Variants in GALNT14 observed in about 807,000 individuals in gnomAD.
The protein encoded by GALNT14 is UDP-GalNAc:polypeptide N-acetylgalactosaminyltransferase 14.
In GALNT14, 60 loss-of-function variants were observed where a neutral mutation model predicts 77.5. That is an observed-to-expected ratio of 0.77 (90% CI 0.63 to 0.96). GALNT14 has a LOEUF of 0.96. GALNT14 is among the 40% of genes least tolerant of loss of function. The pLI is 0.00. For missense variants in GALNT14, 710 were observed against 731.0 expected, an observed-to-expected ratio of 0.97 and a Z score of 0.33; for synonymous variants, 280 against 281.7, an observed-to-expected ratio of 0.99 and a Z score of 0.06.
At chr2:31,131,478 GC>G (rs1678991587) in intron 1 of GALNT14, among the ~76,000 whole-genome samples, 1 of 152,172 alleles carries the variant, frequency 6.6e-6, no homozygotes, top group Admixed American at 6.5e-5. Flanking sequence ...TGGGGATCTG[GC>G]CCTGCTTTCT....
chr2:31,122,407 A>G (rs1678460045), intron 1 of GALNT14, among the ~76,000 whole-genome samples: 2 of 152,148 alleles, frequency 1.3e-5, no homozygotes, highest in Non-Finnish European at 2.9e-5. Flanking sequence ...ATCGCATTTA[A>G]CTCCAAGAAA....
intron 1 of GALNT14, among the ~76,000 whole-genome samples, chr2:31,123,004 A>G (rs1678491850): frequency 6.6e-6 from 1 of 152,036 alleles, no homozygotes; most frequent in Non-Finnish European, 1.5e-5. Context: ...ACACAGTGAA[A>G]CCCTGTCTCT....
chr2:30,921,240 C>A (rs1184676824), intron 13 of GALNT14, among the ~76,000 whole-genome samples: 2 of 152,088 alleles, frequency 1.3e-5, no homozygotes, highest in Non-Finnish European at 2.9e-5. Context: ...TGTCAGGTAC[C>A]AGAAAAGTCC....
intron 1 of GALNT14, among the ~76,000 whole-genome samples, chr2:30,999,054 A>C (rs1226377638): frequency 6.6e-6 from 1 of 152,234 alleles, no homozygotes; most frequent in Non-Finnish European, 1.5e-5. Context: ...GGTATTCTGC[A>C]GCTGGATTCC....
chr2:31,095,561 T>A (rs780273662), intron 1 of GALNT14, among the ~76,000 whole-genome samples: 24 of 152,058 alleles, frequency 1.6e-4, no homozygotes, highest in Non-Finnish European at 3.2e-4. Context: ...GGACACTAGA[T>A]CACTGAAAAA....
chr2:30,891,691 G>A, the GALNT14 span, among the ~76,000 whole-genome samples: 10 of 152,136 alleles, frequency 6.6e-5, no homozygotes, highest in African/African-American at 2.2e-4. Flanking sequence ...CCCAGTCAGT[G>A]CGGATGGGTA....
At chr2:30,962,898 G>C (rs912316614) in intron 3 of GALNT14, among the ~76,000 whole-genome samples, 6 of 152,292 alleles carry the variant, frequency 3.9e-5, no homozygotes, top group Admixed American at 2.6e-4. Context: ...TGATTCATTT[G>C]TGCAACAGGA....
chr2:30,930,135 C>T (rs1006050394), intron 10 of GALNT14, among the ~76,000 whole-genome samples: 1 of 152,224 alleles, frequency 6.6e-6, no homozygotes, highest in Non-Finnish European at 1.5e-5. Flanking sequence ...AACTGAACTT[C>T]TGTGGCTATC....
chr2:31,099,119 T>C (rs1402672385), intron 1 of GALNT14, among the ~76,000 whole-genome samples: 3 of 152,130 alleles, frequency 2.0e-5, no homozygotes, highest in African/African-American at 4.8e-5. Flanking sequence ...ATACACACTA[T>C]TGTGCAGCTT....
At chr2:31,007,041 C>T (rs573550580) in intron 1 of GALNT14, among the ~76,000 whole-genome samples, 7 of 152,128 alleles carry the variant, frequency 4.6e-5, no homozygotes, top group Non-Finnish European at 1.0e-4. Flanking sequence ...GGGATGGGAG[C>T]GAATGACTTT....
At chr2:31,110,841 C>T (rs967602105) in intron 1 of GALNT14, among the ~76,000 whole-genome samples, 1 of 152,156 alleles carries the variant, frequency 6.6e-6, no homozygotes, top group Non-Finnish European at 1.5e-5. Flanking sequence ...ACTAGATTCA[C>T]GTGAAACCAT....
At chr2:31,066,313 G>T (rs1674961026) in intron 1 of GALNT14, among the ~76,000 whole-genome samples, 1 of 152,070 alleles carries the variant, frequency 6.6e-6, no homozygotes, top group African/African-American at 2.4e-5. Flanking sequence ...AGAGCACCCA[G>T]GTGCCTGTCA....
intron 1 of GALNT14, among the ~76,000 whole-genome samples, chr2:31,001,155 C>T (rs1670346069): frequency 6.6e-6 from 1 of 152,068 alleles, no homozygotes; most frequent in Non-Finnish European, 1.5e-5. Context: ...CTACCTGATA[C>T]CCCTCAGAGT....
chr2:30,950,373 C>T (rs970392125), intron 6 of GALNT14, among the ~76,000 whole-genome samples: 1 of 152,082 alleles, frequency 6.6e-6, no homozygotes, highest in Non-Finnish European at 1.5e-5. Flanking sequence ...ATGTGGAAAA[C>T]ACCAGCTGAG....
intron 1 of GALNT14, among the ~76,000 whole-genome samples, chr2:30,994,226 G>T (rs77115056): frequency 6.6e-6 from 1 of 152,256 alleles, no homozygotes; most frequent in South Asian, 2.1e-4. Flanking sequence ...CCCAGTGGCC[G>T]TGCAAGTGTC....
chr2:31,042,795 C>A (rs778130629), intron 1 of GALNT14, among the ~76,000 whole-genome samples: 1 of 152,180 alleles, frequency 6.6e-6, no homozygotes, highest in Non-Finnish European at 1.5e-5. Flanking sequence ...CGTCTCAGGC[C>A]TGGCTTATTT....
chr2:30,960,622 G>A (rs1468808746), intron 3 of GALNT14, among the ~76,000 whole-genome samples: 1 of 152,068 alleles, frequency 6.6e-6, no homozygotes, highest in African/African-American at 2.4e-5. Context: ...CTGCAGCTGG[G>A]AGGGCCTGAG....
At chr2:31,010,434 C>A (rs1161323638) in intron 1 of GALNT14, among the ~76,000 whole-genome samples, 1 of 152,128 alleles carries the variant, frequency 6.6e-6, no homozygotes, top group Non-Finnish European at 1.5e-5. Context: ...CCCATCTCTA[C>A]TAAAAATACA....
At chr2:30,924,092 T>C in intron 13 of GALNT14, 27 bp downstream of exon 13, 1 of 1,614,050 alleles carries the variant, frequency 6.2e-7, no homozygotes, top group Non-Finnish European at 8.5e-7. Flanking sequence ...TGACACATGG[T>C]CCTGTATGCC....
Sources: allele counts gnomAD v4.1 joint callset (sites outside exome capture counted in the v4.1 genomes callset), GRCh38; gene constraint gnomAD v4.1.1; transcripts MANE v1.5; gene names NCBI Gene and HGNC (gene_info 2026-07-23, HGNC 2026-07-21).